Variants in FRY observed in about 807,000 individuals in gnomAD.
FRY encodes FRY microtubule binding protein, also known as protein furry homolog.
Under a neutral mutation model 348.4 loss-of-function variants are expected in FRY, and 128 were observed. The ratio of observed to expected loss-of-function variants is 0.37; its 90% CI spans 0.32 to 0.43. The LOEUF (loss-of-function observed/expected upper bound fraction) is 0.43, where lower values mean the gene tolerates loss of function less well. Ranked by LOEUF, FRY falls within the 20% of genes least tolerant of loss-of-function variation. The probability of loss-of-function intolerance (pLI) is 1.00; values close to 1 mark genes in which losing one functional copy is unlikely to be tolerated. For synonymous variants in FRY, 1,370 were observed against 1,374.7 expected (o/e 1.00, Z 0.08); for missense variants, 2,736 against 3,695.2 (o/e 0.74, Z 6.73).
In FRY at chr13:32,164,676, C is replaced by T. The variant is rs1413482600; in HGVS notation, c.1892+3425C>T. ...CTCCATGGAAGCTTCACAGGCCCTCCTGACATTGTGGTGAGATCCATGGGG... is the reference window on the plus strand; with the variant it reads ...CTCCATGGAAGCTTCACAGGCCCTCTTGACATTGTGGTGAGATCCATGGGG... On this transcript the variant is annotated intron_variant, in intron 17 of 60. Coordinates refer to ENST00000542859, the MANE Select transcript of FRY (RefSeq NM_023037.3). Among the ~76,000 whole-genome samples the T allele has an allele frequency of 3.9e-5, 6 of 152,228 alleles. No homozygotes were observed. The East Asian group carries it at 1.2e-3, about 29-fold the overall frequency.
At chr13:32,072,319 T>C (rs1249158538) in intron 1 of FRY, among the ~76,000 whole-genome samples, 1 of 152,196 alleles carries the variant, frequency 6.6e-6, no homozygotes, top group African/African-American at 2.4e-5. Flanking sequence ...AAATTGTTTT[T>C]CGGTATTTTT....
At chr13:32,288,377 G>A (rs561642416) in intron 58 of FRY, among the ~76,000 whole-genome samples, 7 of 152,268 alleles carry the variant, frequency 4.6e-5, no homozygotes, top group African/African-American at 1.7e-4. Flanking sequence ...TCTTAGGCCT[G>A]TTACCAGTAT....
chr13:32,189,505 A>T (rs986432187), intron 28 of FRY, among the ~76,000 whole-genome samples: 1 of 152,094 alleles, frequency 6.6e-6, no homozygotes, highest in Admixed American at 6.5e-5. Flanking sequence ...TGAAGGAAAT[A>T]ATAGAAATAA....
intron 2 of FRY, among the ~76,000 whole-genome samples, chr13:32,101,464 A>G (rs1359926238): frequency 3.9e-5 from 6 of 152,134 alleles, no homozygotes; most frequent in African/African-American, 1.2e-4. Context: ...TACTGATTTC[A>G]TTTTCTTTGG....
At chr13:32,169,318 A>G (rs943172830) in intron 17 of FRY, among the ~76,000 whole-genome samples, 7 of 152,164 alleles carry the variant, frequency 4.6e-5, no homozygotes, top group African/African-American at 1.7e-4. Context: ...TTCTTTCCCT[A>G]TAACTTTCAG....
intron 29 of FRY, among the ~76,000 whole-genome samples, chr13:32,196,736 G>A (rs1883700111): frequency 6.6e-6 from 1 of 152,034 alleles, no homozygotes; most frequent in Non-Finnish European, 1.5e-5. Flanking sequence ...AGAAAGTGAT[G>A]GTAGAACTGG....
chr13:32,166,813 C>G (rs1881765980), intron 17 of FRY, among the ~76,000 whole-genome samples: 1 of 152,154 alleles, frequency 6.6e-6, no homozygotes, highest in Non-Finnish European at 1.5e-5. Context: ...GCAGCTGGGC[C>G]TTTTTCTTCT....
At chr13:32,235,282 C>G (rs541524413) in intron 42 of FRY, among the ~76,000 whole-genome samples, 1 of 152,336 alleles carries the variant, frequency 6.6e-6, no homozygotes, top group African/African-American at 2.4e-5. Flanking sequence ...AGGTTGAGAG[C>G]TGCTGGCATT....
intron 49 of FRY, among the ~76,000 whole-genome samples, chr13:32,250,740 C>T (rs1179211489): frequency 6.6e-6 from 1 of 152,174 alleles, no homozygotes; most frequent in Non-Finnish European, 1.5e-5. Flanking sequence ...GGAGGACTCA[C>T]CTTCTCTCTC....
At chr13:32,053,099 C>T (rs1253632689) in intron 1 of FRY, among the ~76,000 whole-genome samples, 9 of 151,200 alleles carry the variant, frequency 6.0e-5, no homozygotes, top group Non-Finnish European at 1.0e-4. Context: ...GAAAACAGAG[C>T]GAGACTCCAT....
intron 1 of FRY, among the ~76,000 whole-genome samples, chr13:32,034,629 A>G (rs376054405): frequency 3.9e-5 from 6 of 152,054 alleles, no homozygotes; most frequent in African/African-American, 2.4e-5. Context: ...CCCCTTGTTA[A>G]TCATGGCCAC....
chr13:32,194,385 A>G (rs894796315), intron 29 of FRY, 88 bp downstream of exon 29: 6 of 1,171,522 alleles, frequency 5.1e-6, no homozygotes, highest in Admixed American at 1.7e-5. Flanking sequence ...TTTTGCAACT[A>G]TATGAGCAAA....
chr13:32,083,104 C>T (rs766994689), intron 2 of FRY, among the ~76,000 whole-genome samples: 7 of 152,016 alleles, frequency 4.6e-5, no homozygotes, highest in Non-Finnish European at 8.8e-5. Flanking sequence ...TGCTACATTG[C>T]ATATCTTTTT....
At chr13:32,154,464 G>A (rs61946724) in intron 14 of FRY, among the ~76,000 whole-genome samples, 6,271 of 152,108 alleles carry the variant, frequency 0.041, 140 homozygotes, top group Non-Finnish European at 0.053. Flanking sequence ...AAATGTAATC[G>A]TGTTCTACTA....
At chr13:32,139,326 G>C (rs1206821569) in intron 11 of FRY, among the ~76,000 whole-genome samples, 4 of 152,000 alleles carry the variant, frequency 2.6e-5, no homozygotes, top group Non-Finnish European at 4.4e-5. Flanking sequence ...CTTCCCCGAC[G>C]CACCTTTCTG....
rs1888438408 is a variant in FRY at position 32,274,822 on chromosome 13, G to A, written c.8137-20G>A. 1.2e-6 allele frequency: 2 copies of A among 1,603,162 alleles called. No individual in the cohort carries two copies. The highest frequency in any genetic ancestry group is 1.7e-6 in the Non-Finnish European group (2 of 1,171,172). On this transcript the variant is annotated intron_variant, in intron 55 of 60. Transcript: ENST00000542859. ...AAGTTTAACTTGACCTTTACAAATGGTCACTATTTTGCCTTGCAGAATATT... is the reference window on the plus strand; with the variant it reads ...AAGTTTAACTTGACCTTTACAAATGATCACTATTTTGCCTTGCAGAATATT...
chr13:32,197,663 C>G (rs1264478249), intron 29 of FRY, among the ~76,000 whole-genome samples: 1 of 152,214 alleles, frequency 6.6e-6, no homozygotes, highest in Non-Finnish European at 1.5e-5. Flanking sequence ...ATGGTAAATA[C>G]CCCATAAATA....
chr13:32,193,948 C>G (rs1883515555), intron 28 of FRY, among the ~76,000 whole-genome samples, 195 bp from the exon 29 acceptor site: 1 of 152,132 alleles, frequency 6.6e-6, no homozygotes, highest in African/African-American at 2.4e-5. Flanking sequence ...CTTACATGAT[C>G]AAATTTAATG....
intron 50 of FRY, among the ~76,000 whole-genome samples, chr13:32,253,918 G>T (rs1887207290): frequency 6.7e-6 from 1 of 150,350 alleles, no homozygotes; most frequent in Non-Finnish European, 1.5e-5. Context: ...CATTTTCCTG[G>T]CTGCTCCAGT....
Sources: allele counts gnomAD v4.1 joint callset (sites outside exome capture counted in the v4.1 genomes callset), GRCh38; gene constraint gnomAD v4.1.1; transcripts MANE v1.5; gene names NCBI Gene and HGNC (gene_info 2026-07-23, HGNC 2026-07-21).